Variants in USP43 observed in about 807,000 individuals in gnomAD.
USP43 encodes ubiquitin specific peptidase 43, also known as ubiquitin carboxyl-terminal hydrolase 43.
Under a neutral mutation model 90.7 loss-of-function variants are expected in USP43, and 33 were observed. That is an observed-to-expected ratio of 0.36 (90% CI 0.28 to 0.49). The LOEUF (loss-of-function observed/expected upper bound fraction) is 0.49. USP43 is among the 20% of genes least tolerant of loss of function. USP43 has a pLI of 0.98. For missense variants in USP43, 1,274 were observed against 1,476.4 expected (o/e 0.86, Z 2.25); for synonymous variants, 598 against 615.8 (o/e 0.97, Z 0.43).
Position 9,728,316 on chromosome 17 carries a change from T to C in USP43, c.2698T>C (p.Cys900Arg). 3 of 1,612,672 alleles carry C rather than the reference T, an allele frequency of 1.9e-6. No individual in the cohort carries two copies. Among genetic ancestry groups the C allele is most frequent in the Non-Finnish European group, 2.5e-6 (3 of 1,179,386 alleles). ...VPCPSAQPNHCLAPGNSDGPN... is the reference protein window; with the variant it reads ...VPCPSAQPNHRLAPGNSDGPN... ...CTGTCCCTCGGCTCAACCCAACCAC[T>C]GTCTGGCCCCTGGAAACTCAGATGG... The change falls in exon 15 of 15, where the codon TGT becomes CGT. Residue 900 changes from cysteine to arginine, a missense_variant. By Grantham distance (180) the Cys-to-Arg change is radical. Coordinates refer to ENST00000285199, the MANE Select transcript of USP43 (RefSeq NM_153210.5). This position sits in a 1 kb window ranked among gnomAD's most constrained non-coding sequence, Gnocchi z 6.2.
Position 9,686,731 on chromosome 17 carries a change from A to G in USP43, c.1242-67A>G. ...ACAGGAAGCCAGGGTTAGAACAACC[A>G]CTCATGACTGGTGGATGTTGCTGGT... On this transcript the variant is annotated intron_variant, in intron 7 of 14. Coordinates refer to ENST00000285199, the MANE Select transcript of USP43 (RefSeq NM_153210.5). The surrounding 1 kb of genome is among the most constrained non-coding windows in gnomAD (Gnocchi z 5.5). 6.4e-6 allele frequency: 9 copies of G among 1,414,086 alleles called. No individual in the cohort carries two copies. The highest frequency in any genetic ancestry group is 8.9e-6 in the Non-Finnish European group (9 of 1,014,660). 87.6% of individuals were successfully genotyped at this position (1,414,086 alleles called of 1,614,324 possible). A position where few individuals can be genotyped will look rare whatever the true frequency, so the allele number is the denominator to read the frequency against.
chr17:9,662,234 G>C lies in USP43; in HGVS notation c.637-4414G>C, dbSNP rs147636004. On this transcript the variant is annotated intron_variant, in intron 2 of 14. Transcript: ENST00000285199. Reference sequence around the variant, plus strand: ...CTCCCCATGCATGGACTGGATTCAGGGTTCCAAAACAGGGGTTGCTACTAC... The same window carrying C: ...CTCCCCATGCATGGACTGGATTCAGCGTTCCAAAACAGGGGTTGCTACTAC... 4.0e-3 allele frequency among the ~76,000 whole-genome samples: 606 copies of C among 152,174 alleles called. 2 individuals carry two copies. Among genetic ancestry groups the C allele is most frequent in the African/African-American group, 0.013 (559 of 41,542 alleles).
At chr17:9,721,797 C>G (rs184769743) in intron 14 of USP43, among the ~76,000 whole-genome samples, 3 of 144,810 alleles carry the variant, frequency 2.1e-5, no homozygotes, top group Admixed American at 7.0e-5. Flanking sequence ...GATCTCGGCT[C>G]GCTGCAACCT....
At chr17:9,657,235 G>A (rs1044160461) in intron 2 of USP43, among the ~76,000 whole-genome samples, 3 of 152,074 alleles carry the variant, frequency 2.0e-5, no homozygotes, top group Non-Finnish European at 4.4e-5. Flanking sequence ...GGCCGGGCGC[G>A]GTGACTCACG....
rs567560689 is a variant in USP43, at chr17:9,655,354, A to C, written c.505-1049A>C. On this transcript the variant is annotated intron_variant, in intron 1 of 14. Coordinates refer to ENST00000285199, the MANE Select transcript of USP43 (RefSeq NM_153210.5). ...GCCCACATGCTCACACATGTATAGCAAAAGTCCCTGGAGAGATGCTGAAGG... is the reference window on the plus strand; with the variant it reads ...GCCCACATGCTCACACATGTATAGCCAAAGTCCCTGGAGAGATGCTGAAGG... Among the ~76,000 whole-genome samples, 162 of 152,356 alleles carry C rather than the reference A, an allele frequency of 1.1e-3. 1 individual carries two copies. Among genetic ancestry groups the C allele is most frequent in the Non-Finnish European group, 1.8e-3 (121 of 68,028 alleles).
At chr17:9,666,501 G>C in intron 2 of USP43, 147 bp from the exon 3 acceptor site, 2 of 637,102 alleles carry the variant, frequency 3.1e-6, no homozygotes, top group Non-Finnish European at 5.5e-6. Flanking sequence ...TTGAGTTATG[G>C]TAAAGGCAGC....
At chr17:9,717,801 A>ATTTTT (rs3066742) in intron 14 of USP43, among the ~76,000 whole-genome samples, 75 of 142,574 alleles carry the variant, frequency 5.3e-4, no homozygotes, top group East Asian at 4.1e-3. Flanking sequence ...TATAGCTCAC[A>ATTTTT]TTTTTTTTTT....
chr17:9,715,917 A>C lies in USP43; in HGVS notation c.2335+3785A>C, dbSNP rs915406487. ...TGTGTCTATGTATATGTATCTGTGT[A>C]TATGTGTCTGTGTGTGTGTTTCTGT... On this transcript the variant is annotated intron_variant, in intron 14 of 14. Coordinates refer to ENST00000285199, the MANE Select transcript of USP43 (RefSeq NM_153210.5). Among the ~76,000 whole-genome samples the C allele has an allele frequency of 2.3e-5, 3 of 131,864 alleles. No homozygotes were observed. In the East Asian group the frequency reaches 6.9e-4, roughly 30 times the overall value. 86.5% of individuals were successfully genotyped at this position (131,864 alleles called of 152,430 possible).
chr17:9,718,712 T>C (rs1199015303), intron 14 of USP43, among the ~76,000 whole-genome samples: 6 of 146,036 alleles, frequency 4.1e-5, no homozygotes, highest in African/African-American at 7.7e-5. Context: ...TGGTGGTGCA[T>C]GCCTGTAATC....
intron 2 of USP43, among the ~76,000 whole-genome samples, chr17:9,665,837 G>A (rs1024234986): frequency 3.3e-5 from 5 of 152,118 alleles, no homozygotes; most frequent in Non-Finnish European, 5.9e-5. Flanking sequence ...AAGATGCTAG[G>A]CTTGAAAACT....
chr17:9,662,440 TGAATGG>T (rs1912708329), intron 2 of USP43, among the ~76,000 whole-genome samples: 1 of 152,194 alleles, frequency 6.6e-6, no homozygotes, highest in Non-Finnish European at 1.5e-5. Context: ...TACCTCTCTG[TGAATGG>T]AACGGGGGTT....
rs768642704 is a variant in USP43, at chr17:9,682,968, A to C, written c.1241+10A>C. ...GGCAGCAGGCTAGCAGGTATGTTTCACTTTATTCTTTTTTCATGTGGTGTC... is the reference window on the plus strand; with the variant it reads ...GGCAGCAGGCTAGCAGGTATGTTTCCCTTTATTCTTTTTTCATGTGGTGTC... On this transcript the variant is annotated intron_variant, in intron 7 of 14. Coordinates refer to ENST00000285199, the MANE Select transcript of USP43 (RefSeq NM_153210.5). 1.2e-6 allele frequency: 2 copies of C among 1,610,498 alleles called. No homozygotes were observed. Among genetic ancestry groups the C allele is most frequent in the Non-Finnish European group, 1.7e-6 (2 of 1,177,564 alleles).
chr17:9,662,199 TTAAAGAG>T (rs1912690283), intron 2 of USP43, among the ~76,000 whole-genome samples: 1 of 152,050 alleles, frequency 6.6e-6, no homozygotes, highest in Non-Finnish European at 1.5e-5. Flanking sequence ...GGACCCCTGA[TTAAAGAG>T]CCCTCCCCAT....
chr17:9,700,045 A>G, intron 9 of USP43, 127 bp from the exon 10 acceptor site: 1 of 881,374 alleles, frequency 1.1e-6, no homozygotes, highest in African/African-American at 1.7e-5. Context: ...ACCTTGGCTT[A>G]CTGGCAGTTT....
intron 9 of USP43, among the ~76,000 whole-genome samples, chr17:9,699,255 C>T (rs984531644): frequency 7.2e-5 from 11 of 152,170 alleles, no homozygotes; most frequent in Non-Finnish European, 1.2e-4. Context: ...TGGTTCTCCC[C>T]GTCTACAGGA....
chr17:9,687,164 C>A lies in USP43; in HGVS notation c.1353+255C>A, dbSNP rs180760282. ...TGGGCAGAGCTTTTTCTTATTAAAT[C>A]TTTCAAAACACCATTGGGAAAATGG... On this transcript the variant is annotated intron_variant, in intron 8 of 14. Transcript: ENST00000285199. Among the ~76,000 whole-genome samples the A allele has an allele frequency of 5.1e-4, 78 of 152,242 alleles. 1 individual carries two copies. Among genetic ancestry groups the A allele is most frequent in the Middle Eastern group, 6.8e-3 (2 of 294 alleles).
At position 9,682,815 on chromosome 17, in the gene USP43, C is replaced by T; in HGVS notation, c.1106-8C>T. ...GAATATGAACAAATGTCATTCTCTC[C>T]CTTCTAGCTCATCCACTGGGTCTGT... On this transcript the variant is annotated splice_region_variant and splice_polypyrimidine_tract_variant and intron_variant, in intron 6 of 14. Transcript: ENST00000285199. The T allele has an allele frequency of 1.2e-6, 2 of 1,613,320 alleles. No homozygotes were observed. Among genetic ancestry groups the T allele is most frequent in the Non-Finnish European group, 1.7e-6 (2 of 1,179,470 alleles).
chr17:9,664,296 C>A (rs779753307), intron 2 of USP43, among the ~76,000 whole-genome samples: 5 of 152,146 alleles, frequency 3.3e-5, no homozygotes, highest in Non-Finnish European at 7.3e-5. Flanking sequence ...TTACTCATAT[C>A]TTTTTTTCCC....
At chr17:9,680,482 C>T in intron 6 of USP43, 116 bp downstream of exon 6, 3 of 1,188,756 alleles carry the variant, frequency 2.5e-6, no homozygotes, top group South Asian at 1.6e-5. Context: ...AACAGTCAGA[C>T]TTATTATCCC....
Sources: gnomAD v4.1 joint callset for allele counts (sites outside exome capture counted in the v4.1 genomes callset) on GRCh38, gnomAD v4.1.1 for gene constraint, Gnocchi (gnomAD v3.1) non-coding constraint, MANE v1.5 for transcripts, NCBI Gene and HGNC (gene_info 2026-07-23, HGNC 2026-07-21) for gene names.